The following FAM217A variants were observed in gnomAD, a reference collection of about 807,000 sequenced individuals.
FAM217A encodes family with sequence similarity 217 member A, also known as protein FAM217A.
Under a neutral mutation model 18.5 loss-of-function variants are expected in FAM217A, and 13 were observed. That is an observed-to-expected ratio of 0.70 (90% CI 0.46 to 1.12). FAM217A has a LOEUF of 1.12. Among genes scored for constraint, FAM217A ranks in the 50% most tolerant of loss-of-function variants. The pLI is 0.00. For synonymous variants in FAM217A, 161 were observed against 202.8 expected, an observed-to-expected ratio of 0.79 and a Z score of 1.75; for missense variants, 560 against 575.4, an observed-to-expected ratio of 0.97 and a Z score of 0.27.
upstream of FAM217A, chr6:4,079,565 T>A: frequency 7.8e-7 from 1 of 1,278,670 alleles, no homozygotes. Flanking sequence ...CCTGGGCCTC[T>A]CCAGGCTGAG....
chr6:4,086,609 C>T (rs764208747), intron 1 of FAM217A, among the ~76,000 whole-genome samples: 9 of 152,136 alleles, frequency 5.9e-5, no homozygotes, highest in South Asian at 2.1e-4. Flanking sequence ...AGCTAGCCCA[C>T]GCTCCCAGAT....
upstream of FAM217A, chr6:4,087,044 G>A (rs917805422): frequency 2.8e-5 from 11 of 398,966 alleles, no homozygotes; most frequent in East Asian, 2.1e-4. Flanking sequence ...AGTTTTGGAC[G>A]ATGAAGCTCT....
At chr6:4,079,405 C>T (rs937893986), upstream of FAM217A, 1 of 318,114 alleles carries the variant, frequency 3.1e-6, no homozygotes, top group African/African-American at 2.3e-5. Context: ...AGGGGCCGCC[C>T]CCGGCCTCGC....
upstream of FAM217A, chr6:4,087,080 C>T (rs1770715194): frequency 5.0e-6 from 2 of 399,692 alleles, no homozygotes; most frequent in Admixed American, 4.4e-5. Context: ...GAGGACTGCA[C>T]TGATGTAACC....
Position 4,077,334 on chromosome 6 carries a change from G to C in FAM217A, c.60+21C>G, listed in dbSNP as rs768946253. ...CAGGAGCCGCTGCCCAAACACTCAA[G>C]TTCAACAGCGCCTGCCATACCTCCT... On this transcript the variant is annotated intron_variant, in intron 2 of 6. Transcript: ENST00000274673. 276 of 1,613,760 alleles carry C rather than the reference G, an allele frequency of 1.7e-4. 1 individual carries two copies. The Middle Eastern group carries it at 3.3e-3, about 19-fold the overall frequency.
At chr6:4,086,757 C>G (rs1160497603) in intron 1 of FAM217A, among the ~76,000 whole-genome samples, 1 of 152,158 alleles carries the variant, frequency 6.6e-6, no homozygotes, top group Non-Finnish European at 1.5e-5. Context: ...CTAAAAGTAG[C>G]TGTAACAAAC....
chr6:4,079,617 C>CGG, upstream of FAM217A: 3 of 1,283,876 alleles, frequency 2.3e-6, no homozygotes, highest in Non-Finnish European at 3.0e-6. Context: ...ACCCGGGGCC[C>CGG]GGCCCACCCG....
Position 4,068,735 on chromosome 6 carries a change from A to C in FAM217A, c.1488T>G (p.Ile496Met), listed in dbSNP as rs768594931. The C allele has an allele frequency of 5.0e-6, 8 of 1,612,006 alleles. No homozygotes were observed. Among genetic ancestry groups the C allele is most frequent in the Non-Finnish European group, 5.9e-6 (7 of 1,179,474 alleles). ...QKLNCLSPSL[I>M]AKDKCCSPIE... ...TGGGTGAGCAGCACTTATCCTTAGC[A>C]ATAAGGGAAGGCGACAAACAGTTTA... Residue 496 changes from isoleucine (I) to methionine (M), a missense_variant, in exon 7 of 7, where the codon ATT becomes ATG. Physicochemically the swap from Ile to Met is conservative, Grantham distance 10. Coordinates refer to ENST00000274673, the MANE Select transcript of FAM217A (RefSeq NM_173563.3).
intron 2 of FAM217A, among the ~76,000 whole-genome samples, chr6:4,076,633 C>T (rs1298243467): frequency 2.0e-5 from 3 of 151,986 alleles, no homozygotes; most frequent in African/African-American, 4.8e-5. Flanking sequence ...AATCCCAGCA[C>T]TTTGGAAAGC....
At chr6:4,070,221 G>T (rs1187463864) in intron 6 of FAM217A, among the ~76,000 whole-genome samples, 1 of 152,192 alleles carries the variant, frequency 6.6e-6, no homozygotes, top group Non-Finnish European at 1.5e-5. Context: ...AAGGTTAAAA[G>T]TGGCTAACTA....
chr6:4,071,687 T>TA (rs1449503736), intron 6 of FAM217A, among the ~76,000 whole-genome samples: 1 of 152,174 alleles, frequency 6.6e-6, no homozygotes, highest in Non-Finnish European at 1.5e-5. Context: ...TTTTTTCTCA[T>TA]AAAAATAGCC....
intron 6 of FAM217A, among the ~76,000 whole-genome samples, chr6:4,071,189 T>G (rs1462401564): frequency 6.6e-6 from 1 of 152,058 alleles, no homozygotes; most frequent in African/African-American, 2.4e-5. Context: ...TACCAGTGAG[T>G]GAGCAAAATG....
At chr6:4,080,382 A>C (rs1481559806), upstream of FAM217A, among the ~76,000 whole-genome samples, 1 of 152,186 alleles carries the variant, frequency 6.6e-6, no homozygotes, top group Non-Finnish European at 1.5e-5. Context: ...GTCTCTCCCC[A>C]GTAGAATATC....
In FAM217A at chr6:4,069,277, C is replaced by G; in HGVS notation, c.946G>C (p.Ala316Pro). Residue 316 changes from alanine (A) to proline (P), a missense_variant, in exon 7 of 7, where the codon GCA becomes CCA. Transcript: ENST00000274673. ...PRLQTTFCTP[A>P]VTERPSSSKA... The stretch of plus-strand genomic sequence containing the variant: ...GAGGAAGAGGGTCGTTCAGTAACTG[C>G]TGGAGTACAGAAAGTCGTTTGTAGT... 1 of 1,614,154 alleles carries G rather than the reference C, an allele frequency of 6.2e-7. No individual in the cohort carries two copies. The highest frequency in any genetic ancestry group is 1.3e-5 in the African/African-American group (1 of 75,046).
At chr6:4,084,350 A>G (rs1170193517) in intron 2 of FAM217A, among the ~76,000 whole-genome samples, 1 of 152,250 alleles carries the variant, frequency 6.6e-6, no homozygotes, top group African/African-American at 2.4e-5. Flanking sequence ...AAATAAACAC[A>G]TCAATCACTG....
At chr6:4,084,683 A>G (rs1214983022) in exon 2 of FAM217A, 2 of 702,882 alleles carry the variant, frequency 2.8e-6, no homozygotes, top group African/African-American at 1.7e-5. Flanking sequence ...GCTTTCCTTA[A>G]AAAACTTGGA....
At position 4,069,437 on chromosome 6, in the gene FAM217A, G is replaced by T. The variant is rs768955870; in HGVS notation, c.786C>A (p.His262Gln). 2 of 1,614,150 alleles carry T rather than the reference G, an allele frequency of 1.2e-6. No individual in the cohort carries two copies. Among genetic ancestry groups the T allele is most frequent in the South Asian group, 2.2e-5 (2 of 91,080 alleles). ...LPPPFSALDL[H>Q]NLALSKSDNW... Reference sequence around the variant, plus strand: ...TGTCAGATTTGGAGAGGGCTAAATTGTGCAAGTCTAGAGCACTGAAAGGAG... The same window carrying T: ...TGTCAGATTTGGAGAGGGCTAAATTTTGCAAGTCTAGAGCACTGAAAGGAG... The change falls in exon 7 of 7, where the codon CAC becomes CAA. Residue 262 changes from histidine (H) to glutamine (Q), a missense_variant. Physicochemically the swap from His to Gln is conservative, Grantham distance 24. Transcript: ENST00000274673.
Position 4,069,413 on chromosome 6 carries a change from G to A in FAM217A, c.810C>T (p.Asp270=), listed in dbSNP as rs1487076872. The A allele has an allele frequency of 6.2e-7, 1 of 1,614,146 alleles. No individual in the cohort carries two copies. The highest frequency in any genetic ancestry group is 8.5e-7 in the Non-Finnish European group (1 of 1,180,024). The part of the protein sequence containing the change: ...DLHNLALSKS[D]NWKVTVDPAE... ...CAGGGTCCACTGTCACTTTCCAATT[G>A]TCAGATTTGGAGAGGGCTAAATTGT... The change falls in exon 7 of 7, where the codon GAC becomes GAT. Residue 270 remains aspartate, a synonymous_variant. Transcript: ENST00000274673.
chr6:4,085,761 C>G (rs1307326525), intron 1 of FAM217A, among the ~76,000 whole-genome samples: 2 of 151,972 alleles, frequency 1.3e-5, no homozygotes, highest in African/African-American at 4.8e-5. Flanking sequence ...TATGTACTTG[C>G]ATTTAAAGTA....
Sources: gnomAD v4.1 joint callset for allele counts (sites outside exome capture counted in the v4.1 genomes callset) on GRCh38, gnomAD v4.1.1 for gene constraint, MANE v1.5 for transcripts, NCBI Gene and HGNC (gene_info 2026-07-23, HGNC 2026-07-21) for gene names.